Variants in SLC5A4 observed in about 807,000 individuals in gnomAD.
SLC5A4 encodes solute carrier family 5 member 4, also known as probable glucose sensor protein SLC5A4.
A neutral mutation model predicts 70.3 loss-of-function variants in SLC5A4; 55 were observed. The ratio of observed to expected loss-of-function variants is 0.78; its 90% CI spans 0.63 to 0.98. The LOEUF is 0.98. Ranked by LOEUF, SLC5A4 falls within the 50% of genes least tolerant of loss-of-function variation. SLC5A4 has a pLI of 0.00. For missense variants in SLC5A4, 735 were observed against 839.2 expected, an observed-to-expected ratio of 0.88 and a Z score of 1.53; for synonymous variants, 268 against 305.7, an observed-to-expected ratio of 0.88 and a Z score of 1.29.
chr22:32,227,236 A>G (rs939220804), intron 11 of SLC5A4, among the ~76,000 whole-genome samples: 1 of 152,148 alleles, frequency 6.6e-6, no homozygotes, highest in African/African-American at 2.4e-5. Flanking sequence ...AAAAGTTATT[A>G]CTTTATCATT....
the SLC5A4 span, among the ~76,000 whole-genome samples, chr22:32,344,732 A>G: frequency 4.3e-3 from 656 of 152,310 alleles, 2 homozygotes; most frequent in African/African-American, 0.015. Context: ...TTTTAGAATG[A>G]CAGTTACATA....
chr22:32,245,142 T>C (rs969641685), intron 5 of SLC5A4, among the ~76,000 whole-genome samples: 6 of 152,196 alleles, frequency 3.9e-5, no homozygotes, highest in Admixed American at 1.3e-4. Flanking sequence ...AGGAGAGTTA[T>C]GAAAACTGTC....
At chr22:32,288,258 G>A in the SLC5A4 span, among the ~76,000 whole-genome samples, 1 of 152,170 alleles carries the variant, frequency 6.6e-6, no homozygotes, top group East Asian at 1.9e-4. Context: ...ATGACCAGAG[G>A]GGCGCACAGG....
At chr22:32,262,977 C>T in the SLC5A4 span, among the ~76,000 whole-genome samples, 1 of 152,048 alleles carries the variant, frequency 6.6e-6, no homozygotes, top group East Asian at 1.9e-4. Flanking sequence ...ACTGTGTTAG[C>T]CAGGATGGTC....
the SLC5A4 span, among the ~76,000 whole-genome samples, chr22:32,306,018 C>G: frequency 6.6e-6 from 1 of 152,138 alleles, no homozygotes; most frequent in Admixed American, 6.5e-5. Flanking sequence ...GGCTGGGACC[C>G]CAGTCCCTGG....
At chr22:32,329,661 GGTGT>G in the SLC5A4 span, among the ~76,000 whole-genome samples, 128 of 58,740 alleles carry the variant, frequency 2.2e-3, no homozygotes, top group Non-Finnish European at 2.8e-3. Flanking sequence ...TGGGGGCTCT[GGTGT>G]GTGTGTGTTG....
At chr22:32,292,142 ATATTCTATATATTAT>A in the SLC5A4 span, among the ~76,000 whole-genome samples, 22 of 65,076 alleles carry the variant, frequency 3.4e-4, no homozygotes, top group Middle Eastern at 0.013. Context: ...ATTATATATT[ATATTCTATATATTAT>A]ATATATAATA....
chr22:32,328,882 C>T, the SLC5A4 span, among the ~76,000 whole-genome samples: 1 of 152,230 alleles, frequency 6.6e-6, no homozygotes, highest in Admixed American at 6.5e-5. Context: ...CCTCAGGGAA[C>T]GAGCCTCTGA....
intron 4 of SLC5A4, among the ~76,000 whole-genome samples, chr22:32,248,091 C>G (rs1481949142): frequency 9.2e-5 from 14 of 152,160 alleles, no homozygotes; most frequent in Non-Finnish European, 4.4e-5. Flanking sequence ...GGAAACCTCT[C>G]TAGGCAAGAA....
At chr22:32,349,253 G>T in the SLC5A4 span, among the ~76,000 whole-genome samples, 2 of 152,202 alleles carry the variant, frequency 1.3e-5, no homozygotes, top group Admixed American at 1.3e-4. Context: ...GATTACAGGC[G>T]TGAGCCACTG....
the SLC5A4 span, among the ~76,000 whole-genome samples, chr22:32,305,496 G>GC: frequency 6.7e-6 from 1 of 148,954 alleles, no homozygotes; most frequent in African/African-American, 2.5e-5. Flanking sequence ...ACCATCCATT[G>GC]CCTGGGGGTG....
At chr22:32,286,766 C>A in the SLC5A4 span, among the ~76,000 whole-genome samples, 3 of 152,190 alleles carry the variant, frequency 2.0e-5, no homozygotes, top group African/African-American at 7.2e-5. Flanking sequence ...TGGCTGTTGT[C>A]TTCATTCAAC....
chr22:32,270,736 C>T, the SLC5A4 span: 140 of 635,264 alleles, frequency 2.2e-4, 2 homozygotes, highest in African/African-American at 1.7e-3. Flanking sequence ...CCTGGTCACC[C>T]GCAACATGCA....
chr22:32,236,705 ATTTTTTT>A (rs551794690), intron 7 of SLC5A4, among the ~76,000 whole-genome samples: 1 of 142,890 alleles, frequency 7.0e-6, no homozygotes, highest in African/African-American at 2.6e-5. Context: ...CTAAGCAGTA[ATTTTTTT>A]TTTTTTTTTT....
the SLC5A4 span, among the ~76,000 whole-genome samples, chr22:32,284,040 C>A: frequency 6.6e-6 from 1 of 152,056 alleles, no homozygotes; most frequent in Non-Finnish European, 1.5e-5. Context: ...ATGATCCCCC[C>A]TCAATAAAAC....
the SLC5A4 span, among the ~76,000 whole-genome samples, chr22:32,321,368 C>T: frequency 1.3e-5 from 2 of 152,208 alleles, no homozygotes; most frequent in Non-Finnish European, 1.5e-5. Flanking sequence ...AGGAAAATCA[C>T]TCGAATCCAG....
At chr22:32,354,499 G>T in the SLC5A4 span, among the ~76,000 whole-genome samples, 2 of 151,836 alleles carry the variant, frequency 1.3e-5, no homozygotes, top group Admixed American at 6.6e-5. Context: ...GCACCCGATA[G>T]CGCCCCCAAC....
At chr22:32,284,553 G>A in the SLC5A4 span, 1 of 152,150 alleles carries the variant, frequency 6.6e-6, no homozygotes, top group African/African-American at 2.4e-5. Flanking sequence ...CCTTTATGTT[G>A]ACCTCTCCAC....
chr22:32,239,887 G>T (rs913711379), intron 5 of SLC5A4, among the ~76,000 whole-genome samples: 1 of 150,382 alleles, frequency 6.6e-6, no homozygotes. Context: ...AGCCAGGCAT[G>T]GTGGCAGCCG....
Sources: gnomAD v4.1 joint callset for allele counts (sites outside exome capture counted in the v4.1 genomes callset) on GRCh38, gnomAD v4.1.1 for gene constraint, MANE v1.5 for transcripts, NCBI Gene and HGNC (gene_info 2026-07-23, HGNC 2026-07-21) for gene names.